Variants in NFIB observed in about 807,000 individuals in gnomAD.
The protein encoded by NFIB is nuclear factor I B.
A neutral mutation model predicts 61.5 loss-of-function variants in NFIB; 11 were observed. The ratio of observed to expected loss-of-function variants is 0.18; its 90% CI spans 0.11 to 0.30. The LOEUF is 0.30. NFIB is among the 10% of genes least tolerant of loss of function. The pLI is 1.00. For synonymous variants in NFIB, 260 were observed against 216.5 expected, an observed-to-expected ratio of 1.20 and a Z score of -1.76; for missense variants, 471 against 608.9, an observed-to-expected ratio of 0.77 and a Z score of 2.38.
chr9:14,529,833 CT>C, the NFIB span, among the ~76,000 whole-genome samples: 1 of 152,014 alleles, frequency 6.6e-6, no homozygotes, highest in African/African-American at 2.4e-5. Context: ...AATATTTTAC[CT>C]CTGAACTTGT....
chr9:14,273,931 T>A (rs1357550988), intron 2 of NFIB, among the ~76,000 whole-genome samples: 3 of 152,148 alleles, frequency 2.0e-5, no homozygotes, highest in Non-Finnish European at 2.9e-5. Flanking sequence ...CTCACCACAA[T>A]TAGCCACAGG....
At chr9:14,463,616 G>C in the NFIB span, among the ~76,000 whole-genome samples, 1 of 149,624 alleles carries the variant, frequency 6.7e-6, no homozygotes, top group Non-Finnish European at 1.5e-5. Context: ...TGGGATGTAA[G>C]ATGCTATTCG....
chr9:14,243,560 G>T (rs575844380), intron 2 of NFIB, among the ~76,000 whole-genome samples: 2 of 151,982 alleles, frequency 1.3e-5, no homozygotes, highest in Non-Finnish European at 2.9e-5. Context: ...GAGTTTTCAA[G>T]TCCAGCCAGA....
intron 2 of NFIB, among the ~76,000 whole-genome samples, chr9:14,301,744 G>C (rs1307897556): frequency 6.6e-6 from 1 of 152,180 alleles, no homozygotes; most frequent in Non-Finnish European, 1.5e-5. Context: ...TCTTGTGGCA[G>C]AGACCTCATG....
intron 2 of NFIB, among the ~76,000 whole-genome samples, chr9:14,293,751 A>C (rs972469660): frequency 6.6e-6 from 1 of 152,168 alleles, no homozygotes; most frequent in African/African-American, 2.4e-5. Flanking sequence ...ATATTAACAC[A>C]AACTCCTGGA....
At chr9:14,379,816 G>A (rs896206551) in intron 1 of NFIB, among the ~76,000 whole-genome samples, 10 of 152,012 alleles carry the variant, frequency 6.6e-5, no homozygotes, top group African/African-American at 2.2e-4. Context: ...CCGAGTAGCT[G>A]GAATTACAGG....
At chr9:14,458,179 G>A in the NFIB span, among the ~76,000 whole-genome samples, 1 of 152,090 alleles carries the variant, frequency 6.6e-6, no homozygotes, top group Non-Finnish European at 1.5e-5. Flanking sequence ...TGATCAAGTG[G>A]GCTTCATCCC....
chr9:14,189,691 C>G (rs2047733604), intron 2 of NFIB, among the ~76,000 whole-genome samples: 2 of 150,650 alleles, frequency 1.3e-5, no homozygotes, highest in African/African-American at 4.9e-5. Context: ...GAGTGCAACT[C>G]TTCTGCTACA....
chr9:14,453,953 CT>C, the NFIB span, among the ~76,000 whole-genome samples: 46 of 152,124 alleles, frequency 3.0e-4, no homozygotes, highest in Non-Finnish European at 5.9e-4. Flanking sequence ...CGGTGGGCAC[CT>C]GTAGTCCCAG....
rs1228491385 is a variant in NFIB, at chr9:14,102,670, G to GA, written c.1467+10328dup. On this transcript the variant is annotated intron_variant, in intron 10 of 10. Coordinates refer to ENST00000380953, the MANE Select transcript of NFIB (RefSeq NM_001190737.2). ...AAAAGCAAAAAAAAATCTTATTCTT[G>GA]AAAAGCAAAATTCCTAGACTCTTTT... Among the ~76,000 whole-genome samples, 3 of 151,008 alleles carry GA rather than the reference G, an allele frequency of 2.0e-5. No individual in the cohort carries two copies. The East Asian group carries it at 5.8e-4, about 29-fold the overall frequency.
chr9:14,265,020 G>T (rs995084045), intron 2 of NFIB, among the ~76,000 whole-genome samples: 2 of 152,054 alleles, frequency 1.3e-5, no homozygotes, highest in Admixed American at 1.3e-4. Context: ...AGAGATTCAG[G>T]GGACAACATG....
intron 1 of NFIB, among the ~76,000 whole-genome samples, chr9:14,364,562 C>T (rs936288835): frequency 6.6e-6 from 1 of 152,192 alleles, no homozygotes; most frequent in Non-Finnish European, 1.5e-5. Context: ...TATAACAACA[C>T]ATTTCATCTT....
intron 1 of NFIB, among the ~76,000 whole-genome samples, chr9:14,392,581 A>T (rs934125656): frequency 6.6e-6 from 1 of 152,118 alleles, no homozygotes; most frequent in South Asian, 2.1e-4. Flanking sequence ...TACAAAAATT[A>T]TTCAGGTGTG....
intron 1 of NFIB, among the ~76,000 whole-genome samples, chr9:14,352,368 T>C (rs1187864287): frequency 1.3e-5 from 2 of 151,960 alleles, no homozygotes; most frequent in Non-Finnish European, 2.9e-5. Flanking sequence ...GCTACCTGTC[T>C]CCGGGCTCAG....
chr9:14,167,700 A>G lies in NFIB; in HGVS notation c.617-11807T>C, dbSNP rs544010188. Among the ~76,000 whole-genome samples, 7 of 152,320 alleles carry G rather than the reference A, an allele frequency of 4.6e-5. No individual in the cohort carries two copies. The South Asian group carries it at 1.2e-3, about 27-fold the overall frequency. On this transcript the variant is annotated intron_variant, in intron 3 of 10. Coordinates refer to ENST00000380953, the MANE Select transcript of NFIB (RefSeq NM_001190737.2). The stretch of plus-strand genomic sequence containing the variant: ...ATTTCCACAGCACAAAAAGAATCAC[A>G]AGTGAATCAGAAACATTCAGTGTAA...
At chr9:14,453,975 G>A in the NFIB span, among the ~76,000 whole-genome samples, 1 of 152,072 alleles carries the variant, frequency 6.6e-6, no homozygotes, top group South Asian at 2.1e-4. Context: ...CTACTCAGGA[G>A]GCTGAGGCAG....
chr9:14,273,869 T>C (rs2057800355), intron 2 of NFIB, among the ~76,000 whole-genome samples: 1 of 152,194 alleles, frequency 6.6e-6, no homozygotes, highest in Admixed American at 6.5e-5. Flanking sequence ...GGCAGAGCTG[T>C]AGGCTTTTGG....
chr9:14,531,389 G>C, the NFIB span, among the ~76,000 whole-genome samples: 1 of 152,186 alleles, frequency 6.6e-6, no homozygotes, highest in Admixed American at 6.5e-5. Context: ...ATTACGCTGA[G>C]TGGCATAGTA....
chr9:14,187,217 G>C (rs914089922), intron 2 of NFIB, among the ~76,000 whole-genome samples: 2 of 151,862 alleles, frequency 1.3e-5, no homozygotes, highest in East Asian at 3.9e-4. Context: ...TTATCACTTT[G>C]TTAATGGAAT....
Sources: gnomAD v4.1 joint callset for allele counts (sites outside exome capture counted in the v4.1 genomes callset) on GRCh38, gnomAD v4.1.1 for gene constraint, MANE v1.5 for transcripts, NCBI Gene and HGNC (gene_info 2026-07-23, HGNC 2026-07-21) for gene names.